Variants in CHD7 observed in about 807,000 individuals in gnomAD.
CHD7 encodes the protein ATP-dependent chromatin remodeler CHD7.
A neutral mutation model predicts 307.3 loss-of-function variants in CHD7; 24 were observed. That is an observed-to-expected ratio of 0.08 (90% CI 0.06 to 0.11). CHD7 has a LOEUF of 0.11. Among genes scored for constraint, CHD7 ranks in the 10% least tolerant of loss-of-function variants. The probability of loss-of-function intolerance (pLI) is 1.00; values close to 1 mark genes in which losing one functional copy is unlikely to be tolerated. For missense variants in CHD7, 3,106 were observed against 3,727.1 expected (o/e 0.83, Z 4.34); for synonymous variants, 1,363 against 1,349.9 (o/e 1.01, Z -0.21).
At chr8:60,770,406 G>T (rs547816959) in intron 2 of CHD7, among the ~76,000 whole-genome samples, 3 of 152,218 alleles carry the variant, frequency 2.0e-5, no homozygotes, top group African/African-American at 7.2e-5. Flanking sequence ...TTATTATTGC[G>T]TTATTAGTTA....
At chr8:60,813,467 C>G (rs1245315143) in intron 7 of CHD7, among the ~76,000 whole-genome samples, 1 of 152,112 alleles carries the variant, frequency 6.6e-6, no homozygotes, top group Admixed American at 6.5e-5. Flanking sequence ...AGTAGGTATC[C>G]ATGCTTTCTG....
intron 8 of CHD7, among the ~76,000 whole-genome samples, chr8:60,819,434 A>C (rs1803915832): frequency 1.3e-5 from 2 of 149,904 alleles, no homozygotes; most frequent in African/African-American, 4.8e-5. Context: ...AAATCATTAG[A>C]AAACAGATTA....
Position 60,830,390 on chromosome 8 carries a change from C to G in CHD7, c.3591C>G (p.Asn1197Lys), listed in dbSNP as rs750556683. The G allele has an allele frequency of 1.9e-6, 3 of 1,613,950 alleles. No individual in the cohort carries two copies. Among genetic ancestry groups the G allele is most frequent in the East Asian group, 4.5e-5 (2 of 44,884 alleles). Residue 1197 changes from asparagine (N) to lysine (K), a missense_variant, in exon 15 of 38, where the codon AAC becomes AAG. Physicochemically the swap from Asn to Lys is moderately conservative, Grantham distance 94. Around this residue, in one of 10 missense-constraint regions of CHD7, gnomAD observed 232 missense variants for 422.5 expected, o/e 0.55. Coordinates refer to ENST00000423902, the MANE Select transcript of CHD7 (RefSeq NM_017780.4). ...LRRLKEDVEK[N>K]LAPKEETIIE... is the part of the protein sequence containing the mutation. ...GTCTCAAAGAGGATGTAGAAAAGAA[C>G]TTGGCCCCCAAAGAAGAAACTATTA...
rs1164707966 is a variant in CHD7, at chr8:60,794,972, A to G, written c.2097-14A>G. 1 of 1,610,796 alleles carries G rather than the reference A, an allele frequency of 6.2e-7. No individual in the cohort carries two copies. The highest frequency in any genetic ancestry group is 1.3e-5 in the African/African-American group (1 of 74,592). On this transcript the variant is annotated splice_polypyrimidine_tract_variant and intron_variant, in intron 3 of 37. Transcript: ENST00000423902. ...ATTAAAAGTGAACACTAAGCGATCC[A>G]CTTTGAATTCTAGTAATAAGAAACC...
intron 1 of CHD7, among the ~76,000 whole-genome samples, chr8:60,712,657 C>T (rs1807338956): frequency 2.6e-5 from 4 of 152,220 alleles, no homozygotes; most frequent in Admixed American, 2.6e-4. Flanking sequence ...TGGCTCATGC[C>T]TGTAATGCCA....
intron 3 of CHD7, among the ~76,000 whole-genome samples, chr8:60,785,339 G>T (rs751097632): frequency 2.0e-5 from 3 of 152,120 alleles, no homozygotes; most frequent in Non-Finnish European, 4.4e-5. Context: ...CTTGCTCTAT[G>T]CTCTGTCCCT....
rs759847780 is a variant in CHD7, at chr8:60,741,640, G to C, written c.208G>C (p.Asp70His). The C allele has an allele frequency of 6.2e-6, 10 of 1,613,578 alleles. No individual in the cohort carries two copies. The East Asian group carries it at 2.0e-4, about 32-fold the overall frequency. Residue 70 changes from aspartate to histidine, a missense_variant, in exon 2 of 38, where the codon GAT becomes CAT. This residue lies in a region of CHD7 where 998 missense variants were observed against 1,004.5 expected (regional missense o/e 0.99). Transcript: ENST00000423902. Reference protein sequence around the residue: ...NQNQTKLTHFDHYNQYEQQKM... With the variant: ...NQNQTKLTHFHHYNQYEQQKM... ...AAATCAAACAAAGCTGACACATTTT[G>C]ATCACTATAATCAGTATGAACAACA...
chr8:60,867,636 C>G lies in CHD7; in HGVS notation c.*1703C>G, dbSNP rs1270102368. 6.6e-6 allele frequency: 1 copy of G among 152,222 alleles called. No homozygotes were observed. The highest frequency in any genetic ancestry group is 1.5e-5 in the Non-Finnish European group (1 of 68,050). The allele number at this position is 152,222 out of a possible 1,614,324, so 9.4% of individuals were successfully genotyped here. ...TGTTGCCTTCCTCCACACCCTTCCC[C>G]CAGGACGTCCGCACACAGTCCACCT... On this transcript the variant is annotated 3_prime_UTR_variant, in exon 38 of 38. Transcript: ENST00000423902.
chr8:60,683,007 G>A (rs1435340494), intron 1 of CHD7, among the ~76,000 whole-genome samples: 2 of 152,208 alleles, frequency 1.3e-5, no homozygotes, highest in African/African-American at 4.8e-5. Context: ...GTGATATTAA[G>A]ATGATGTCAG....
At chr8:60,840,572 G>C (rs1471092582) in intron 19 of CHD7, among the ~76,000 whole-genome samples, 1 of 151,586 alleles carries the variant, frequency 6.6e-6, no homozygotes, top group Admixed American at 6.6e-5. Context: ...CATGGCTCAA[G>C]TGACCTTCCA....
At chr8:60,737,456 A>C (rs1175532911) in intron 1 of CHD7, among the ~76,000 whole-genome samples, 1 of 152,174 alleles carries the variant, frequency 6.6e-6, no homozygotes, top group Non-Finnish European at 1.5e-5. Flanking sequence ...TCAGTCTATA[A>C]AAGGATTTTT....
At chr8:60,840,269 T>C (rs1463438527) in intron 19 of CHD7, among the ~76,000 whole-genome samples, 1 of 152,156 alleles carries the variant, frequency 6.6e-6, no homozygotes, top group Non-Finnish European at 1.5e-5. Flanking sequence ...CCACATCTTC[T>C]CCTTTACATC....
intron 1 of CHD7, among the ~76,000 whole-genome samples, chr8:60,724,980 T>G (rs1289778585): frequency 6.6e-6 from 1 of 152,232 alleles, no homozygotes; most frequent in Non-Finnish European, 1.5e-5. Flanking sequence ...CAATTTGCCT[T>G]TCCATATTGA....
chr8:60,854,005 GAACCTTC>G (rs1805594017), intron 31 of CHD7, among the ~76,000 whole-genome samples: 1 of 152,196 alleles, frequency 6.6e-6, no homozygotes, highest in Non-Finnish European at 1.5e-5. Flanking sequence ...GCTGTAGCTG[GAACCTTC>G]AACTTTTGAC....
chr8:60,812,478 C>T (rs1299742868), intron 7 of CHD7, among the ~76,000 whole-genome samples: 1 of 152,056 alleles, frequency 6.6e-6, no homozygotes, highest in Non-Finnish European at 1.5e-5. Context: ...GCCTGGCCAA[C>T]ATAGCGAAAC....
chr8:60,743,131 G>A lies in CHD7; in HGVS notation c.1665+34G>A, dbSNP rs7836586. 0.77 allele frequency: 1,211,657 copies of A among 1,565,432 alleles called. 471,415 individuals are homozygous for A. Among genetic ancestry groups the A allele is most frequent in the East Asian group, 0.95 (41,628 of 43,942 alleles). The stretch of plus-strand genomic sequence containing the variant: ...ACACAGAGCCTACCTCTGCATTGCA[G>A]TGTGAAATTCAACATGGCTAACTTG... On this transcript the variant is annotated intron_variant, in intron 2 of 37. Transcript: ENST00000423902.
intron 5 of CHD7, among the ~76,000 whole-genome samples, chr8:60,800,984 G>A (rs977627502): frequency 2.2e-4 from 33 of 152,278 alleles, no homozygotes; most frequent in African/African-American, 7.9e-4. Flanking sequence ...AAAACAGTTT[G>A]TATAAAATAT....
chr8:60,759,665 A>T (rs1003142518), intron 2 of CHD7, among the ~76,000 whole-genome samples: 20 of 152,024 alleles, frequency 1.3e-4, no homozygotes, highest in African/African-American at 4.6e-4. Context: ...TCATGCCTAG[A>T]CTCTGCTGTC....
intron 34 of CHD7, among the ~76,000 whole-genome samples, chr8:60,858,606 T>G (rs930897765): frequency 2.0e-5 from 3 of 152,218 alleles, no homozygotes; most frequent in African/African-American, 7.2e-5. Context: ...TTTTTTGTTT[T>G]TGAAACAGGG....
Sources: gnomAD v4.1 joint callset for allele counts (sites outside exome capture counted in the v4.1 genomes callset) on GRCh38, gnomAD v4.1.1 for gene constraint, gnomAD v4.1.1 regional missense constraint, MANE v1.5 for transcripts, NCBI Gene and HGNC (gene_info 2026-07-23, HGNC 2026-07-21) for gene names.